The following SLC22A3 variants were observed in gnomAD, a reference collection of about 807,000 sequenced individuals.
SLC22A3 encodes EMT organic cation transporter 3.
In SLC22A3, 51 loss-of-function variants were observed where a neutral mutation model predicts 59.1. That is an observed-to-expected ratio of 0.86 (90% confidence interval 0.69 to 1.09). SLC22A3 has a LOEUF of 1.09. SLC22A3 is among the 50% of genes least tolerant of loss of function. The pLI, the probability that SLC22A3 is intolerant of heterozygous loss-of-function variation, is 0.00. For synonymous variants in SLC22A3, 325 were observed against 292.0 expected (o/e 1.11, Z -1.15); for missense variants, 711 against 726.3 (o/e 0.98, Z 0.24).
At position 160,396,001 on chromosome 6, in the gene SLC22A3, A is replaced by C. The variant is rs192364669; in HGVS notation, c.430-1978A>C. ...AAGCATACCACTTGGAGATTTGCAA[A>C]GATGATCACAGGAATTGTCGGCCTG... On this transcript the variant is annotated intron_variant, in intron 1 of 10. Transcript: ENST00000275300. 4.6e-3 allele frequency among the ~76,000 whole-genome samples: 702 copies of C among 152,314 alleles called. 8 individuals carry two copies. The highest frequency in any genetic ancestry group is 0.037 in the Middle Eastern group (11 of 294).
chr6:160,446,704 T>C (rs557022902), intron 9 of SLC22A3, among the ~76,000 whole-genome samples: 92 of 152,196 alleles, frequency 6.0e-4, no homozygotes, highest in Admixed American at 1.4e-3. Flanking sequence ...TTTTCAAGAA[T>C]TTTGTAAGCC....
In SLC22A3 at chr6:160,354,836, T is replaced by C. The variant is rs573351975; in HGVS notation, c.429+5988T>C. On this transcript the variant is annotated intron_variant, in intron 1 of 10. Coordinates refer to ENST00000275300, the MANE Select transcript of SLC22A3 (RefSeq NM_021977.4). Reference sequence around the variant, plus strand: ...TTGCTCTAAAGGCTGAGAATACCGATACTTTCCCACTGGACCCCACAGGTA... The same window carrying C: ...TTGCTCTAAAGGCTGAGAATACCGACACTTTCCCACTGGACCCCACAGGTA... Among the ~76,000 whole-genome samples, 169 of 152,286 alleles carry C rather than the reference T, an allele frequency of 1.1e-3. 2 individuals are homozygous for C. Among genetic ancestry groups the C allele is most frequent in the African/African-American group, 3.8e-3 (156 of 41,558 alleles).
intron 5 of SLC22A3, among the ~76,000 whole-genome samples, chr6:160,436,120 G>A (rs1788326088): frequency 6.6e-6 from 1 of 152,208 alleles, no homozygotes; most frequent in South Asian, 2.1e-4. Flanking sequence ...TGGAGCTGCG[G>A]TCACTGCAGG....
chr6:160,368,188 C>G (rs982780972), intron 1 of SLC22A3, among the ~76,000 whole-genome samples: 1 of 152,156 alleles, frequency 6.6e-6, no homozygotes, highest in African/African-American at 2.4e-5. Context: ...CACTCACTCT[C>G]CACTTCCCTG....
rs1788047667 is a variant in SLC22A3 at position 160,428,655 on chromosome 6, A to C, written c.976-8125A>C. 2.0e-5 allele frequency among the ~76,000 whole-genome samples: 3 copies of C among 152,334 alleles called. No individual in the cohort carries two copies. In the South Asian group the frequency reaches 6.2e-4, roughly 32 times the overall value. On this transcript the variant is annotated intron_variant, in intron 5 of 10. Coordinates refer to ENST00000275300, the MANE Select transcript of SLC22A3 (RefSeq NM_021977.4). The stretch of plus-strand genomic sequence containing the variant: ...TCTCTTTATGTTTTTTAATGTGGCC[A>C]CTAGAAAATGTAAATGTACTCGTGT...
At chr6:160,356,841 C>T (rs903086640) in intron 1 of SLC22A3, among the ~76,000 whole-genome samples, 1 of 152,054 alleles carries the variant, frequency 6.6e-6, no homozygotes, top group African/African-American at 2.4e-5. Flanking sequence ...ACTGTTTTAT[C>T]TGGGTGAGAT....
Position 160,443,964 on chromosome 6 carries a change from T to G in SLC22A3, c.1510+222T>G, listed in dbSNP as rs111281494. 0.016 allele frequency among the ~76,000 whole-genome samples: 2,474 copies of G among 152,282 alleles called. 68 individuals carry two copies. The highest frequency in any genetic ancestry group is 0.1 in the Middle Eastern group (30 of 292). On this transcript the variant is annotated intron_variant, in intron 9 of 10. Coordinates refer to ENST00000275300, the MANE Select transcript of SLC22A3 (RefSeq NM_021977.4). ...ATGAATGGTTTTAATTTACTTTATA[T>G]TAAAGGGTGCTGATAAATAATGTTC...
chr6:160,411,496 G>A (rs1787246964), intron 5 of SLC22A3, among the ~76,000 whole-genome samples: 1 of 152,142 alleles, frequency 6.6e-6, no homozygotes, highest in African/African-American at 2.4e-5. Flanking sequence ...CCAGTGCTTT[G>A]GGAGGCTGAG....
chr6:160,412,251 T>C (rs1047882323), intron 5 of SLC22A3, among the ~76,000 whole-genome samples: 4 of 152,072 alleles, frequency 2.6e-5, no homozygotes, highest in African/African-American at 9.7e-5. Flanking sequence ...TAATTCCAGC[T>C]ACTTGGGAGG....
At chr6:160,412,101 C>T (rs1426687322) in intron 5 of SLC22A3, among the ~76,000 whole-genome samples, 2 of 152,122 alleles carry the variant, frequency 1.3e-5, no homozygotes, top group African/African-American at 2.4e-5. Context: ...GTGGCTCACA[C>T]CTGTAATCCC....
At chr6:160,408,148 T>C (rs1035983432) in intron 3 of SLC22A3, among the ~76,000 whole-genome samples, 1 of 152,112 alleles carries the variant, frequency 6.6e-6, no homozygotes, top group African/African-American at 2.4e-5. Flanking sequence ...AATCAGAATA[T>C]GAGAAACCAA....
chr6:160,363,006 G>A (rs1785072312), intron 1 of SLC22A3, among the ~76,000 whole-genome samples: 1 of 152,152 alleles, frequency 6.6e-6, no homozygotes. Context: ...CAGCCCCGGA[G>A]CCCGCCGAGA....
At chr6:160,399,230 C>T (rs943366450) in intron 2 of SLC22A3, among the ~76,000 whole-genome samples, 6 of 152,090 alleles carry the variant, frequency 3.9e-5, no homozygotes, top group Admixed American at 6.6e-5. Flanking sequence ...TTCTTTTTAT[C>T]GATGTCCTTT....
chr6:160,450,461 T>C (rs536495439), intron 10 of SLC22A3, among the ~76,000 whole-genome samples: 3 of 152,150 alleles, frequency 2.0e-5, no homozygotes, highest in African/African-American at 7.2e-5. Context: ...GTGCACTGAT[T>C]TCATATTGTT....
chr6:160,369,066 T>C (rs544474943), intron 1 of SLC22A3, among the ~76,000 whole-genome samples: 42 of 152,352 alleles, frequency 2.8e-4, no homozygotes, highest in Admixed American at 1.6e-3. Flanking sequence ...TCAACTATCA[T>C]GTATTTCATT....
chr6:160,386,306 A>G (rs547310436), intron 1 of SLC22A3, among the ~76,000 whole-genome samples: 1 of 152,294 alleles, frequency 6.6e-6, no homozygotes, highest in African/African-American at 2.4e-5. Context: ...TAGGTGAAGG[A>G]AGGGGAAATA....
Position 160,440,539 on chromosome 6 carries a change from T to C in SLC22A3, c.1289-2222T>C, listed in dbSNP as rs184606321. Among the ~76,000 whole-genome samples the C allele has an allele frequency of 1.1e-4, 16 of 152,352 alleles. No individual in the cohort carries two copies. The East Asian group carries it at 1.9e-3, about 18-fold the overall frequency. On this transcript the variant is annotated intron_variant, in intron 7 of 10. Coordinates refer to ENST00000275300, the MANE Select transcript of SLC22A3 (RefSeq NM_021977.4). ...TTTTCTTTGTTCTCATGTAATTCCA[T>C]GGAAGACAATTTTAGTTTCAGTACT...
In SLC22A3 at chr6:160,415,739, A is replaced by T. The variant is rs2114870937; in HGVS notation, c.975+4893A>T. Among the ~76,000 whole-genome samples, 1 of 152,294 alleles carries T rather than the reference A, an allele frequency of 6.6e-6. No homozygotes were observed. The highest frequency in any genetic ancestry group is 2.1e-4 in the South Asian group (1 of 4,832). ...AATGGATTTGAAAGAATGTGGTTGG[A>T]TTCAAAGAAGCCCTAGGAGACCCAA... is the stretch of plus-strand genomic sequence containing the variant. On this transcript the variant is annotated intron_variant, in intron 5 of 10. Coordinates refer to ENST00000275300, the MANE Select transcript of SLC22A3 (RefSeq NM_021977.4). This position sits in a 1 kb window ranked among gnomAD's most constrained non-coding sequence, Gnocchi z 4.1.
intron 5 of SLC22A3, among the ~76,000 whole-genome samples, chr6:160,425,037 AG>A: frequency 6.6e-6 from 1 of 152,302 alleles, no homozygotes; most frequent in Non-Finnish European, 1.5e-5. Flanking sequence ...CTCTCAAGTT[AG>A]CAGGGGACAG....
Sources: gnomAD v4.1 joint callset for allele counts (sites outside exome capture counted in the v4.1 genomes callset) on GRCh38, gnomAD v4.1.1 for gene constraint, Gnocchi (gnomAD v3.1) non-coding constraint, MANE v1.5 for transcripts, NCBI Gene and HGNC (gene_info 2026-07-23, HGNC 2026-07-21) for gene names.